Variants in MTOR observed in about 807,000 individuals in gnomAD.
MTOR encodes the protein mechanistic target of rapamycin kinase.
In MTOR, 70 loss-of-function variants were observed where a neutral mutation model predicts 319.8. The ratio of observed to expected loss-of-function variants is 0.22; its 90% CI spans 0.18 to 0.27. The LOEUF (loss-of-function observed/expected upper bound fraction) is 0.27. Ranked by LOEUF, MTOR falls within the 10% of genes least tolerant of loss-of-function variation. The probability of loss-of-function intolerance (pLI) is 1.00; values close to 1 mark genes in which losing one functional copy is unlikely to be tolerated. For synonymous variants in MTOR, 1,183 were observed against 1,211.4 expected, an observed-to-expected ratio of 0.98 and a Z score of 0.49; for missense variants, 1,890 against 3,274.4, an observed-to-expected ratio of 0.58 and a Z score of 10.32.
At chr1:11,152,745 C>T (rs1226561185) in intron 30 of MTOR, among the ~76,000 whole-genome samples, 1 of 152,156 alleles carries the variant, frequency 6.6e-6, no homozygotes, top group Non-Finnish European at 1.5e-5. Flanking sequence ...GAACATCTGC[C>T]TCAGGCATAT....
chr1:11,234,589 G>A (rs887398002), intron 13 of MTOR, among the ~76,000 whole-genome samples: 2 of 152,204 alleles, frequency 1.3e-5, no homozygotes, highest in Non-Finnish European at 2.9e-5. Context: ...CCAACAGGGA[G>A]AGCTGTGAGT....
chr1:11,109,807 G>T lies in MTOR; in HGVS notation c.7367-78C>A. On this transcript the variant is annotated intron_variant, in intron 54 of 57. Coordinates refer to ENST00000361445, the MANE Select transcript of MTOR (RefSeq NM_004958.4). The surrounding 1 kb of genome is among the most constrained non-coding windows in gnomAD (Gnocchi z 4.0). ...TTGGTGTTAGCATCTAATTCTCTAC[G>T]CACTCTATTCCTTTAACGCCTGCCC... 1.6e-6 allele frequency: 2 copies of T among 1,280,260 alleles called. No individual in the cohort carries two copies. Among genetic ancestry groups the T allele is most frequent in the Non-Finnish European group, 2.3e-6 (2 of 879,472 alleles). 79.3% of individuals were successfully genotyped at this position (1,280,260 alleles called of 1,614,324 possible). A position where few individuals can be genotyped will look rare whatever the true frequency, so the allele number is the denominator to read the frequency against.
chr1:11,126,885 C>A, intron 45 of MTOR, 89 bp from the exon 46 acceptor site: 1 of 1,576,202 alleles, frequency 6.3e-7, no homozygotes, highest in Non-Finnish European at 8.6e-7. Flanking sequence ...TTGCTAATAA[C>A]AATTACTTGT....
intron 8 of MTOR, 112 bp downstream of exon 8, chr1:11,247,513 A>G (rs1649005075): frequency 1.1e-6 from 1 of 882,470 alleles, no homozygotes; most frequent in Admixed American, 2.3e-5. Context: ...AGACAAAGAA[A>G]TCAGAGATTT....
At position 11,109,835 on chromosome 1, in the gene MTOR, C is replaced by CCTA. The variant is rs1474754513; in HGVS notation, c.7367-109_7367-107dup. The CCTA allele has an allele frequency of 2.1e-6, 2 of 945,050 alleles. No individual in the cohort carries two copies. The highest frequency in any genetic ancestry group is 3.4e-6 in the Non-Finnish European group (2 of 588,996). The allele number at this position is 945,050 out of a possible 1,614,324, so 58.5% of individuals were successfully genotyped here. On this transcript the variant is annotated intron_variant, in intron 54 of 57. Coordinates refer to ENST00000361445, the MANE Select transcript of MTOR (RefSeq NM_004958.4). This position sits in a 1 kb window ranked among gnomAD's most constrained non-coding sequence, Gnocchi z 4.0. ...CTCTATTCCTTTAACGCCTGCCCTACCTACCCTAAAGGGGAAAAGAGAAGG... is the reference window on the plus strand; with the variant it reads ...CTCTATTCCTTTAACGCCTGCCCTACCTACTACCCTAAAGGGGAAAAGAGAAGG...
chr1:11,216,955 T>A (rs1434795888), intron 19 of MTOR, among the ~76,000 whole-genome samples: 1 of 152,220 alleles, frequency 6.6e-6, no homozygotes, highest in Non-Finnish European at 1.5e-5. Flanking sequence ...TTACTAAACT[T>A]AAAAATAAAC....
chr1:11,111,483 GAA>G (rs34258245), intron 54 of MTOR: 8,520 of 137,178 alleles, frequency 0.062, 351 homozygotes, highest in South Asian at 0.13. Flanking sequence ...TCTGTCTCAA[GAA>G]AAAAAAAAAA....
chr1:11,165,301 A>G (rs1336662588), intron 29 of MTOR, among the ~76,000 whole-genome samples: 3 of 152,176 alleles, frequency 2.0e-5, no homozygotes, highest in African/African-American at 7.2e-5. Flanking sequence ...AGGAAGTCAA[A>G]TTGTCCCTGT....
rs767357641 is a variant in MTOR at position 11,112,929 on chromosome 1, A to C, written c.7301-12T>G. 8 of 1,613,050 alleles carry C rather than the reference A, an allele frequency of 5.0e-6. No homozygotes were observed. In the South Asian group the frequency reaches 8.8e-5, roughly 18 times the overall value. ...GCCTTTGGTATTTGCTAGGGAGAGA[A>C]ATAAAGAGTATTGAAACATGCTTCA... On this transcript the variant is annotated splice_polypyrimidine_tract_variant and intron_variant, in intron 53 of 57. Coordinates refer to ENST00000361445, the MANE Select transcript of MTOR (RefSeq NM_004958.4).
chr1:11,172,079 T>G (rs946703717), intron 28 of MTOR, among the ~76,000 whole-genome samples: 1 of 149,356 alleles, frequency 6.7e-6, no homozygotes, highest in African/African-American at 2.5e-5. Flanking sequence ...CTTATCTGTA[T>G]AATATTTCCC....
intron 47 of MTOR, 80 bp downstream of exon 47, chr1:11,124,418 A>G (rs894236131): frequency 2.6e-6 from 4 of 1,529,892 alleles, no homozygotes; most frequent in Admixed American, 1.9e-5. Context: ...GTTAAGATAT[A>G]ATACATGACT....
At chr1:11,195,306 C>T in intron 28 of MTOR, 1 of 328,136 alleles carries the variant, frequency 3.0e-6, no homozygotes, top group Non-Finnish European at 5.6e-6. Context: ...ATAGCAGTAG[C>T]TTGTCTTTTC....
intron 49 of MTOR, among the ~76,000 whole-genome samples, chr1:11,118,831 G>A (rs1642338950): frequency 2.0e-5 from 3 of 151,948 alleles, no homozygotes; most frequent in African/African-American, 7.3e-5. Context: ...TTGCGACGCT[G>A]CCCAGGCTGG....
intron 19 of MTOR, among the ~76,000 whole-genome samples, chr1:11,221,341 CAG>C (rs754976600): frequency 4.6e-5 from 7 of 151,998 alleles, no homozygotes; most frequent in Non-Finnish European, 8.8e-5. Context: ...TGAAAATAAA[CAG>C]AAACAAATGA....
intron 19 of MTOR, among the ~76,000 whole-genome samples, chr1:11,220,182 A>G (rs1646617505): frequency 6.6e-6 from 1 of 152,080 alleles, no homozygotes; most frequent in Admixed American, 6.5e-5. Context: ...AGTCTCAAAC[A>G]GGATAATCAA....
At chr1:11,258,216 A>C (rs992222973) in intron 3 of MTOR, among the ~76,000 whole-genome samples, 6 of 152,290 alleles carry the variant, frequency 3.9e-5, no homozygotes, top group South Asian at 2.1e-4. Context: ...AGCCCACAAA[A>C]GGCAATATGA....
intron 30 of MTOR, among the ~76,000 whole-genome samples, chr1:11,152,727 C>T (rs1304882161): frequency 6.6e-6 from 1 of 152,176 alleles, no homozygotes; most frequent in Non-Finnish European, 1.5e-5. Context: ...CTTCATGTCA[C>T]CTCTGATGAA....
chr1:11,130,115 C>A (rs926866683), intron 39 of MTOR, among the ~76,000 whole-genome samples: 1 of 152,108 alleles, frequency 6.6e-6, no homozygotes, highest in South Asian at 2.1e-4. Flanking sequence ...GATCTCTGGG[C>A]CTGCCAGCGG....
chr1:11,247,213 G>C (rs1180198936), intron 8 of MTOR, among the ~76,000 whole-genome samples: 1 of 152,180 alleles, frequency 6.6e-6, no homozygotes, highest in Non-Finnish European at 1.5e-5. Flanking sequence ...CAGGAGCCAA[G>C]GATTGATGCT....
Sources: allele counts gnomAD v4.1 joint callset (sites outside exome capture counted in the v4.1 genomes callset), GRCh38; gene constraint gnomAD v4.1.1; non-coding constraint Gnocchi (gnomAD v3.1); transcripts MANE v1.5; gene names NCBI Gene and HGNC (gene_info 2026-07-23, HGNC 2026-07-21).